Variants in PLD5 observed in about 807,000 individuals in gnomAD.
The protein encoded by PLD5 is phospholipase D family member 5.
PLD5 carries 36 observed loss-of-function variants against 61.1 expected under a neutral mutation model. That is an observed-to-expected ratio of 0.59 (90% CI 0.45 to 0.78). The LOEUF (loss-of-function observed/expected upper bound fraction) is 0.78. Ranked by LOEUF, PLD5 falls within the 30% of genes least tolerant of loss-of-function variation. The pLI is 0.00. For synonymous variants in PLD5, 243 were observed against 242.8 expected (o/e 1.00, Z -0.01); for missense variants, 515 against 644.4 (o/e 0.80, Z 2.17).
At chr1:242,502,558 A>AT (rs1668587332) in intron 1 of PLD5, among the ~76,000 whole-genome samples, 1 of 152,164 alleles carries the variant, frequency 6.6e-6, no homozygotes, top group South Asian at 2.1e-4. Flanking sequence ...CTTTTCTTGC[A>AT]TTTTTTCAAA....
chr1:242,190,652 T>C (rs899048224), intron 5 of PLD5, among the ~76,000 whole-genome samples: 4 of 151,104 alleles, frequency 2.6e-5, no homozygotes, highest in African/African-American at 9.7e-5. Flanking sequence ...GGGGCCGAGG[T>C]AGGGGGATCG....
At chr1:242,176,397 C>T (rs757993417) in intron 5 of PLD5, among the ~76,000 whole-genome samples, 45 of 152,150 alleles carry the variant, frequency 3.0e-4, no homozygotes, top group Non-Finnish European at 4.3e-4. Flanking sequence ...AGAAAACTGA[C>T]GCTGTACCCC....
At chr1:242,217,943 T>G (rs1670316226) in intron 5 of PLD5, among the ~76,000 whole-genome samples, 1 of 152,148 alleles carries the variant, frequency 6.6e-6, no homozygotes, top group African/African-American at 2.4e-5. Context: ...ATAAAAAGGA[T>G]TTAGAATATT....
chr1:242,113,344 C>T (rs368906443), intron 7 of PLD5, among the ~76,000 whole-genome samples: 1,721 of 152,234 alleles, frequency 0.011, 15 homozygotes, highest in East Asian at 0.067. Context: ...CCGCCCGCCT[C>T]GGCCTCCCAA....
At chr1:242,333,152 T>C (rs1159666485) in intron 2 of PLD5, among the ~76,000 whole-genome samples, 1 of 152,144 alleles carries the variant, frequency 6.6e-6, no homozygotes, top group East Asian at 1.9e-4. Flanking sequence ...TGTCAAAAGA[T>C]GGAGCTGTTC....
chr1:242,388,625 GCTAATAATACAAC>G (rs1662736574), intron 1 of PLD5, among the ~76,000 whole-genome samples: 1 of 152,160 alleles, frequency 6.6e-6, no homozygotes, highest in African/African-American at 2.4e-5. Context: ...TGCTGTTCTT[GCTAATAATACAAC>G]CTAAGATGTA....
chr1:242,472,360 C>T (rs1157685128), intron 1 of PLD5, among the ~76,000 whole-genome samples: 2 of 152,234 alleles, frequency 1.3e-5, no homozygotes, highest in Non-Finnish European at 2.9e-5. Flanking sequence ...GACCAGGCAT[C>T]TGATTCAGTG....
rs765566018 is a variant in PLD5, at chr1:242,100,798, A to G, written c.1240-16T>C. On this transcript the variant is annotated splice_polypyrimidine_tract_variant and intron_variant, in intron 8 of 9. Transcript: ENST00000536534. ...CAAAAAATTTCTGTAAGAAAAAAAA[A>G]AAGGGGGCAGGTAAATAAGAGGAAC... 2.6e-6 allele frequency: 4 copies of G among 1,565,826 alleles called. No individual in the cohort carries two copies. Among genetic ancestry groups the G allele is most frequent in the Non-Finnish European group, 3.5e-6 (4 of 1,138,872 alleles).
At chr1:242,405,636 T>C (rs1402817300) in intron 1 of PLD5, among the ~76,000 whole-genome samples, 1 of 151,884 alleles carries the variant, frequency 6.6e-6, no homozygotes, top group Non-Finnish European at 1.5e-5. Context: ...AGTTTCACTC[T>C]TATTGCCCAG....
At chr1:242,183,324 T>A (rs1667640289) in intron 5 of PLD5, among the ~76,000 whole-genome samples, 2 of 152,220 alleles carry the variant, frequency 1.3e-5, no homozygotes, top group African/African-American at 4.8e-5. Context: ...TCAAATATTA[T>A]CAAGTGGGCT....
rs375578491 is a variant in PLD5, at chr1:242,327,232, G to C, written c.326+20874C>G. ...ATGTTGCCCAGGCTGGTCTTGAACA[G>C]CTAGGCTCAAGAGAGCCTCCCACCT... On this transcript the variant is annotated intron_variant, in intron 2 of 9. Transcript: ENST00000536534. Among the ~76,000 whole-genome samples, 15 of 152,052 alleles carry C rather than the reference G, an allele frequency of 9.9e-5. No homozygotes were observed. The East Asian group carries it at 2.7e-3, about 28-fold the overall frequency.
intron 5 of PLD5, among the ~76,000 whole-genome samples, chr1:242,215,993 C>T (rs1574537125): frequency 6.6e-6 from 1 of 152,210 alleles, no homozygotes; most frequent in Admixed American, 6.5e-5. Flanking sequence ...ACACTCCCTT[C>T]CCCGCTTCTA....
intron 5 of PLD5, among the ~76,000 whole-genome samples, chr1:242,127,081 T>C (rs1662848375): frequency 6.6e-6 from 1 of 152,034 alleles, no homozygotes; most frequent in African/African-American, 2.4e-5. Flanking sequence ...ATCAGGGAAA[T>C]GCAAACCAAA....
chr1:242,290,488 G>T (rs1675293997), intron 2 of PLD5, among the ~76,000 whole-genome samples: 1 of 152,110 alleles, frequency 6.6e-6, no homozygotes, highest in Non-Finnish European at 1.5e-5. Flanking sequence ...ACAGTGCAGA[G>T]GCTGTGATCA....
At chr1:242,200,078 A>C (rs890970634) in intron 5 of PLD5, among the ~76,000 whole-genome samples, 2 of 152,086 alleles carry the variant, frequency 1.3e-5, no homozygotes, top group African/African-American at 4.8e-5. Flanking sequence ...GTTTAAGCAC[A>C]TTTCTTTTGT....
At chr1:242,136,816 G>C (rs558819372) in intron 5 of PLD5, among the ~76,000 whole-genome samples, 90 of 152,298 alleles carry the variant, frequency 5.9e-4, no homozygotes, top group African/African-American at 2.0e-3. Flanking sequence ...TACTTGCAAA[G>C]TGATTGTCTC....
In PLD5 at chr1:242,247,345, G is replaced by A. The variant is rs563909619; in HGVS notation, c.607+17992C>T. ...AGCTTTGTGTGAAACCTTGACGTCA[G>A]TAGAAAGAAATGCTTAAGAGAAGGG... On this transcript the variant is annotated intron_variant, in intron 4 of 9. Transcript: ENST00000536534. Among the ~76,000 whole-genome samples the A allele has an allele frequency of 1.1e-4, 16 of 152,320 alleles. No individual in the cohort carries two copies. The South Asian group carries it at 2.9e-3, about 28-fold the overall frequency.
rs1659678029 is a variant in PLD5, at chr1:242,089,831, G to T, written c.*23C>A. 2.5e-6 allele frequency: 4 copies of T among 1,613,710 alleles called. No homozygotes were observed. The highest frequency in any genetic ancestry group is 3.4e-6 in the Non-Finnish European group (4 of 1,179,658). ...ATGTATAAATATGAAATACAGAGCT[G>T]TCCTGTCAGTTTCTTCATCATGTTA... On this transcript the variant is annotated 3_prime_UTR_variant, in exon 10 of 10. Coordinates refer to ENST00000536534, the MANE Select transcript of PLD5 (RefSeq NM_001372062.1).
chr1:242,503,633 G>A (rs761396985), intron 1 of PLD5, among the ~76,000 whole-genome samples: 4 of 152,104 alleles, frequency 2.6e-5, no homozygotes, highest in Admixed American at 6.5e-5. Flanking sequence ...GAAGTCTTCC[G>A]TTTCCCTTGC....
Sources: gnomAD v4.1 joint callset for allele counts (sites outside exome capture counted in the v4.1 genomes callset) on GRCh38, gnomAD v4.1.1 for gene constraint, MANE v1.5 for transcripts, NCBI Gene and HGNC (gene_info 2026-07-23, HGNC 2026-07-21) for gene names.